CFAP47: variants seen among roughly 807,000 people sequenced by gnomAD.
CFAP47 encodes the protein cilia and flagella associated protein 47.
In CFAP47, 29 loss-of-function variants were observed where a neutral mutation model predicts 148.1. The observed-to-expected ratio is 0.20, with a 90% CI of 0.15 to 0.27. The LOEUF (loss-of-function observed/expected upper bound fraction) is 0.27, where lower values mean the gene tolerates loss of function less well. Ranked by LOEUF, CFAP47 falls within the 10% of genes least tolerant of loss-of-function variation. CFAP47 has a pLI of 1.00. For synonymous variants in CFAP47, 664 were observed against 577.3 expected (o/e 1.15, Z -2.15); for missense variants, 1,872 against 1,697.5 (o/e 1.10, Z -1.81).
Position 36,039,192 on chromosome X carries a change from T to C in CFAP47, c.4007+13T>C. ...AAAACTATTTCAGGTAAATACTCAATGTGAATTTACCACATTTTCTTTATG... is the reference window on the plus strand; with the variant it reads ...AAAACTATTTCAGGTAAATACTCAACGTGAATTTACCACATTTTCTTTATG... On this transcript the variant is annotated intron_variant, in intron 25 of 63. Transcript: ENST00000378653. 2.2e-6 allele frequency: 2 copies of C among 921,442 alleles called. No individual in the cohort carries two copies. The highest frequency in any genetic ancestry group is 2.9e-6 in the Non-Finnish European group (2 of 688,779). 75.9% of individuals were successfully genotyped at this position (921,442 alleles called of 1,213,427 possible).
Position 35,975,347 on chromosome X carries a change from A to G in CFAP47, c.2455A>G (p.Ile819Val), listed in dbSNP as rs137945455. The change falls in exon 14 of 64, where the codon ATT becomes GTT. Residue 819 changes from isoleucine to valine, a missense_variant. Physicochemically the swap from Ile to Val is conservative, Grantham distance 29. Coordinates refer to ENST00000378653, the MANE Select transcript of CFAP47 (RefSeq NM_001304548.2). ...YISMVFDSPTIGKFWKSFTFT... is the reference protein window; with the variant it reads ...YISMVFDSPTVGKFWKSFTFT... ...TTCAATGGTATTTGACTCTCCCACC[A>G]TTGGAAAATTTTGGAAGTAGGGATT... is the stretch of plus-strand genomic sequence containing the variant. 61 of 1,177,844 alleles carry G rather than the reference A, an allele frequency of 5.2e-5. No homozygotes were observed. In the South Asian group the frequency reaches 1.1e-3, roughly 22 times the overall value.
At chrX:36,116,660 A>T (rs1006200797) in intron 33 of CFAP47, among the ~76,000 whole-genome samples, 1 of 111,638 alleles carries the variant, frequency 9.0e-6, no homozygotes, top group Admixed American at 9.5e-5. Context: ...TTTATGGGTT[A>T]CATAAGATAT....
At chrX:36,204,479 A>G (rs1268790711) in intron 44 of CFAP47, among the ~76,000 whole-genome samples, 5 of 110,784 alleles carry the variant, frequency 4.5e-5, no homozygotes, top group African/African-American at 1.6e-4. Context: ...CCTAATGCTA[A>G]ATGACGAGTT....
At chrX:35,971,813 C>A in intron 12 of CFAP47, 41 bp downstream of exon 12, 5 of 1,184,380 alleles carry the variant, frequency 4.2e-6, no homozygotes, top group Non-Finnish European at 5.7e-6. Flanking sequence ...CACGAGAATT[C>A]TTAAAATAGC....
intron 23 of CFAP47, among the ~76,000 whole-genome samples, chrX:36,033,408 A>G (rs183208880): frequency 7.5e-4 from 84 of 111,879 alleles, no homozygotes; most frequent in African/African-American, 2.5e-3. Flanking sequence ...GAACAAATTA[A>G]CCAATATTTC....
At chrX:36,199,166 A>G (rs1939949721) in intron 42 of CFAP47, among the ~76,000 whole-genome samples, 1 of 111,876 alleles carries the variant, frequency 8.9e-6, no homozygotes, top group Non-Finnish European at 1.9e-5. Flanking sequence ...GATCTAAATA[A>G]GGTTCAACCA....
intron 2 of CFAP47, among the ~76,000 whole-genome samples, chrX:35,929,288 G>C (rs1004999745): frequency 5.4e-5 from 6 of 111,745 alleles, no homozygotes; most frequent in Non-Finnish European, 1.9e-5. Context: ...AAACATGAAT[G>C]TGCTATGTCT....
chrX:36,090,586 C>G (rs1238888166), intron 30 of CFAP47, among the ~76,000 whole-genome samples: 1 of 111,546 alleles, frequency 9.0e-6, no homozygotes, highest in Admixed American at 9.6e-5. Flanking sequence ...TTTATTTGCT[C>G]TTTATCTGCA....
Position 36,164,956 on chromosome X carries a change from G to A in CFAP47, c.6026+4187G>A, listed in dbSNP as rs770476725. Among the ~76,000 whole-genome samples the A allele has an allele frequency of 7.2e-5, 8 of 111,428 alleles. No individual in the cohort carries two copies. In the Admixed American group the frequency reaches 7.7e-4, roughly 11 times the overall value. ...CATTGAACAACAACTCTCCATTTCC[G>A]TAAACCCACAGCTACTGTCAGTCAT... On this transcript the variant is annotated intron_variant, in intron 39 of 63. Transcript: ENST00000378653.
rs1364840567 is a variant in CFAP47, at chrX:36,075,553, T to A, written c.4691+2189T>A. On this transcript the variant is annotated intron_variant, in intron 29 of 63. Transcript: ENST00000378653. ...TTGTTATTTTTTAATAATTTCAACTTTTATTTTAGATTCAGGGGTACATGT... is the reference window on the plus strand; with the variant it reads ...TTGTTATTTTTTAATAATTTCAACTATTATTTTAGATTCAGGGGTACATGT... Among the ~76,000 whole-genome samples, 16 of 112,061 alleles carry A rather than the reference T, an allele frequency of 1.4e-4. 1 individual carries two copies. The highest frequency in any genetic ancestry group is 1.4e-3 in the Admixed American group (15 of 10,557).
chrX:36,084,643 G>A (rs1938047129), intron 29 of CFAP47, among the ~76,000 whole-genome samples: 1 of 111,677 alleles, frequency 9.0e-6, no homozygotes. Context: ...ATTATAGACA[G>A]CAAGAATAGT....
At chrX:36,308,942 T>C (rs1556009392) in intron 55 of CFAP47, among the ~76,000 whole-genome samples, 2 of 111,694 alleles carry the variant, frequency 1.8e-5, no homozygotes, top group East Asian at 5.6e-4. Context: ...TGTGCAGATT[T>C]TGAATCCTGT....
intron 49 of CFAP47, among the ~76,000 whole-genome samples, chrX:36,263,216 C>T (rs782095240): frequency 8.9e-6 from 1 of 111,837 alleles, no homozygotes; most frequent in South Asian, 3.7e-4. Flanking sequence ...TTTAATTTGC[C>T]ATTGTCTTCT....
At chrX:36,269,718 C>T (rs1381772337) in intron 49 of CFAP47, among the ~76,000 whole-genome samples, 13 of 111,882 alleles carry the variant, frequency 1.2e-4, no homozygotes, top group African/African-American at 1.3e-4. Context: ...GAAATTTTAA[C>T]GCATGTATAC....
chrX:36,035,012 C>A (rs1425224340), intron 23 of CFAP47, among the ~76,000 whole-genome samples: 1 of 110,613 alleles, frequency 9.0e-6, no homozygotes, highest in Non-Finnish European at 1.9e-5. Flanking sequence ...CCATCTAACA[C>A]CAGCTCAGAC....
At chrX:36,247,409 C>G (rs1210304401) in intron 48 of CFAP47, among the ~76,000 whole-genome samples, 1 of 110,280 alleles carries the variant, frequency 9.1e-6, no homozygotes, top group Non-Finnish European at 1.9e-5. Context: ...TACAAGTAAC[C>G]CCTGTATCTA....
intron 37 of CFAP47, among the ~76,000 whole-genome samples, chrX:36,156,468 A>T (rs1939368078): frequency 9.0e-6 from 1 of 111,406 alleles, no homozygotes; most frequent in Non-Finnish European, 1.9e-5. Context: ...AGTGACTGTC[A>T]TAAAAGTGAA....
chrX:36,196,953 C>T (rs1939926533), intron 42 of CFAP47, among the ~76,000 whole-genome samples: 1 of 111,459 alleles, frequency 9.0e-6, no homozygotes, highest in Non-Finnish European at 1.9e-5. Flanking sequence ...TTATTTATTG[C>T]ATTTCTGTGC....
chrX:36,263,882 C>A (rs997003203), intron 49 of CFAP47, among the ~76,000 whole-genome samples: 2 of 111,825 alleles, frequency 1.8e-5, no homozygotes, highest in African/African-American at 6.5e-5. Flanking sequence ...TCACCTGAAG[C>A]CAGCAAGTCT....
Sources: allele counts gnomAD v4.1 joint callset (sites outside exome capture counted in the v4.1 genomes callset), GRCh38; gene constraint gnomAD v4.1.1; transcripts MANE v1.5; gene names NCBI Gene and HGNC (gene_info 2026-07-23, HGNC 2026-07-21).